Variants in ZNF536 observed in about 807,000 individuals in gnomAD.
The protein encoded by ZNF536 is zinc finger protein 536.
A neutral mutation model predicts 84.5 loss-of-function variants in ZNF536; 13 were observed. That is an observed-to-expected ratio of 0.15 (90% CI 0.10 to 0.24). The LOEUF (loss-of-function observed/expected upper bound fraction) is 0.24, where lower values mean the gene tolerates loss of function less well. Among genes scored for constraint, ZNF536 ranks in the 10% least tolerant of loss-of-function variants. ZNF536 has a pLI of 1.00. For missense variants in ZNF536, 1,536 were observed against 1,747.5 expected (o/e 0.88, Z 2.16); for synonymous variants, 811 against 742.5 (o/e 1.09, Z -1.50).
At chr19:30,304,315 G>A (rs1262423940) in intron 2 of ZNF536, among the ~76,000 whole-genome samples, 1 of 152,224 alleles carries the variant, frequency 6.6e-6, no homozygotes, top group Non-Finnish European at 1.5e-5. Flanking sequence ...TCGAACCATT[G>A]GAGCCGGGCT....
intron 1 of ZNF536, among the ~76,000 whole-genome samples, chr19:30,437,153 T>C (rs1233836829): frequency 6.6e-6 from 1 of 152,210 alleles, no homozygotes; most frequent in Non-Finnish European, 1.5e-5. Flanking sequence ...ATTCATAAGA[T>C]TACTTTTTTT....
chr19:30,660,599 T>C (rs1447893588), intron 1 of ZNF536, among the ~76,000 whole-genome samples: 1 of 152,246 alleles, frequency 6.6e-6, no homozygotes. Flanking sequence ...CCCAAAGATA[T>C]CTGAAGAGCA....
chr19:30,485,603 C>CTTTT (rs60352241), intron 2 of ZNF536, among the ~76,000 whole-genome samples: 66 of 141,350 alleles, frequency 4.7e-4, no homozygotes, highest in African/African-American at 1.5e-3. Context: ...TTTTTTTCTT[C>CTTTT]TTTTTTTTTT....
chr19:30,656,472 C>A (rs1046494802), intron 1 of ZNF536, among the ~76,000 whole-genome samples: 1 of 152,198 alleles, frequency 6.6e-6, no homozygotes, highest in African/African-American at 2.4e-5. Flanking sequence ...GCTGGAAACG[C>A]GCTGTCACTC....
intron 2 of ZNF536, among the ~76,000 whole-genome samples, chr19:30,472,430 G>A (rs568890004): frequency 3.3e-5 from 5 of 152,240 alleles, no homozygotes; most frequent in East Asian, 3.9e-4. Flanking sequence ...GGATATTGCC[G>A]TGAGACTCCC....
chr19:30,619,788 G>C (rs1369458903), intron 1 of ZNF536, among the ~76,000 whole-genome samples: 5 of 152,154 alleles, frequency 3.3e-5, no homozygotes, highest in Non-Finnish European at 7.4e-5. Context: ...ATTTTTGTTT[G>C]CTTTGCTAAT....
chr19:30,347,567 G>A (rs1156983388), intron 2 of ZNF536, among the ~76,000 whole-genome samples: 1 of 152,236 alleles, frequency 6.6e-6, no homozygotes, highest in South Asian at 2.1e-4. Context: ...TGGAGGCTCG[G>A]GGTCAGGATG....
At chr19:30,489,428 A>T (rs1028462695) in intron 2 of ZNF536, among the ~76,000 whole-genome samples, 16 of 152,170 alleles carry the variant, frequency 1.1e-4, no homozygotes, top group African/African-American at 3.4e-4. Flanking sequence ...AAAAATTTTT[A>T]AAAATTAGCG....
At chr19:30,400,781 T>C (rs530010279) in intron 1 of ZNF536, among the ~76,000 whole-genome samples, 162 of 152,318 alleles carry the variant, frequency 1.1e-3, no homozygotes, top group African/African-American at 3.8e-3. Flanking sequence ...GATACATGGT[T>C]TGCAAACATT....
At chr19:30,347,647 C>T (rs1299868618) in intron 2 of ZNF536, among the ~76,000 whole-genome samples, 1 of 152,162 alleles carries the variant, frequency 6.6e-6, no homozygotes, top group Non-Finnish European at 1.5e-5. Flanking sequence ...GGCCCCTGCT[C>T]CCGGGAAGAA....
At chr19:30,569,791 C>G (rs1224598366) in intron 1 of ZNF536, among the ~76,000 whole-genome samples, 1 of 151,814 alleles carries the variant, frequency 6.6e-6, no homozygotes, top group African/African-American at 2.4e-5. Context: ...AGGCTGGTCT[C>G]CAATGCCTGG....
chr19:30,609,918 CCATCCATCCATCCATCCATCCAT>C, intron 1 of ZNF536, among the ~76,000 whole-genome samples: 1 of 114,832 alleles, frequency 8.7e-6, no homozygotes, highest in Non-Finnish European at 2.0e-5. Flanking sequence ...ATCCATCCAT[CCATCCATCCATCCATCCATCCAT>C]GCATCCATCC....
intron 2 of ZNF536, among the ~76,000 whole-genome samples, chr19:30,522,264 T>TATATATACAC (rs1466986319): frequency 5.0e-5 from 6 of 119,720 alleles, no homozygotes; most frequent in African/African-American, 1.1e-4. Context: ...TATATATACA[T>TATATATACAC]ATATATATAC....
At chr19:30,522,225 T>A (rs2044346045) in intron 2 of ZNF536, among the ~76,000 whole-genome samples, 1 of 9,426 alleles carries the variant, frequency 1.1e-4, no homozygotes, top group South Asian at 6.5e-3. Context: ...GAAAGATCCA[T>A]GTGCCTGTGC....
intron 1 of ZNF536, among the ~76,000 whole-genome samples, chr19:30,569,246 C>A (rs905165674): frequency 1.3e-5 from 2 of 151,978 alleles, no homozygotes; most frequent in African/African-American, 2.4e-5. Context: ...TTTTATGATA[C>A]CCTGGTGAGG....
chr19:30,594,806 C>A lies in ZNF536; in HGVS notation c.169+45292C>A, dbSNP rs753461016. Reference sequence around the variant, plus strand: ...TCCATTTAGTGACAGCCGAGGCCAACGTCTGAGCCACGCTGGCACAGAGGA... The same window carrying A: ...TCCATTTAGTGACAGCCGAGGCCAAAGTCTGAGCCACGCTGGCACAGAGGA... On this transcript the variant is annotated intron_variant, in intron 1 of 1. Transcript: ENST00000592773. Among the ~76,000 whole-genome samples, 8 of 151,896 alleles carry A rather than the reference C, an allele frequency of 5.3e-5. No homozygotes were observed. In the East Asian group the frequency reaches 9.7e-4, roughly 19 times the overall value.
At position 30,359,517 on chromosome 19, in the gene ZNF536, A is replaced by G. The variant is rs908493787; in HGVS notation, c.-3+7033A>G. ...GCTCAGATGTGGGCAGCAATGCAGA[A>G]GTCCCTATCTTCTGGGGGAGGCAGT... On this transcript the variant is annotated intron_variant, in intron 3 of 5. Transcript: ENST00000585628. Among the ~76,000 whole-genome samples, 9 of 152,226 alleles carry G rather than the reference A, an allele frequency of 5.9e-5. No homozygotes were observed. The South Asian group carries it at 1.9e-3, about 32-fold the overall frequency.
chr19:30,426,696 T>A (rs1011209757), intron 1 of ZNF536, among the ~76,000 whole-genome samples: 8 of 152,190 alleles, frequency 5.3e-5, no homozygotes. Context: ...TGCTTCCTGA[T>A]TTTAAGGACC....
Position 30,403,744 on chromosome 19 carries a change from G to A in ZNF536, c.-3+31188G>A, listed in dbSNP as rs185528047. Among the ~76,000 whole-genome samples, 3 of 152,320 alleles carry A rather than the reference G, an allele frequency of 2.0e-5. No individual in the cohort carries two copies. The East Asian group carries it at 5.8e-4, about 29-fold the overall frequency. On this transcript the variant is annotated intron_variant, in intron 1 of 4. Transcript: ENST00000355537. ...GCAGTTTTATTGCCAGAGTCTCCAA[G>A]TGCAAGGTCCAGCTGCTCTTTGTCC... is the stretch of plus-strand genomic sequence containing the variant.
Sources: allele counts gnomAD v4.1 joint callset (sites outside exome capture counted in the v4.1 genomes callset), GRCh38; gene constraint gnomAD v4.1.1; transcripts MANE v1.5; gene names NCBI Gene and HGNC (gene_info 2026-07-23, HGNC 2026-07-21).